The following PTPRM variants were observed in gnomAD, a reference collection of about 807,000 sequenced individuals.
The protein encoded by PTPRM is protein tyrosine phosphatase receptor type M.
Under a neutral mutation model 186.7 loss-of-function variants are expected in PTPRM, and 47 were observed. The observed-to-expected ratio is 0.25, with a 90% CI of 0.20 to 0.32. The LOEUF (loss-of-function observed/expected upper bound fraction) is 0.32, where lower values mean the gene tolerates loss of function less well. Among genes scored for constraint, PTPRM ranks in the 10% least tolerant of loss-of-function variants. The pLI is 1.00. For missense variants in PTPRM, 1,494 were observed against 1,865.0 expected (o/e 0.80, Z 3.66); for synonymous variants, 668 against 674.9 (o/e 0.99, Z 0.16).
intron 10 of PTPRM, among the ~76,000 whole-genome samples, chr18:8,088,413 C>A (rs2090541727): frequency 6.6e-6 from 1 of 152,096 alleles, no homozygotes; most frequent in Admixed American, 6.5e-5. Context: ...AAAAGTGTAC[C>A]AATTGTAAGT....
At chr18:7,684,549 C>T (rs1411423003) in intron 1 of PTPRM, among the ~76,000 whole-genome samples, 2 of 152,116 alleles carry the variant, frequency 1.3e-5, no homozygotes, top group African/African-American at 4.8e-5. Flanking sequence ...TTCTATGCCT[C>T]CATGAGTTTG....
At chr18:8,120,606 C>A (rs952603172) in intron 13 of PTPRM, among the ~76,000 whole-genome samples, 3 of 151,854 alleles carry the variant, frequency 2.0e-5, no homozygotes, top group Non-Finnish European at 4.4e-5. Context: ...AGCAGTCCTC[C>A]TGCCTCAGCC....
At chr18:8,072,972 G>T (rs1362996236) in intron 8 of PTPRM, among the ~76,000 whole-genome samples, 1 of 151,480 alleles carries the variant, frequency 6.6e-6, no homozygotes, top group Non-Finnish European at 1.5e-5. Flanking sequence ...TCCCCATTAG[G>T]GTTTCCTGTC....
chr18:8,343,353 G>A, intron 22 of PTPRM, 70 bp from the exon 23 acceptor site: 3 of 1,377,952 alleles, frequency 2.2e-6, no homozygotes, highest in South Asian at 1.2e-5. Context: ...AGATGTATTT[G>A]TAAGCCCCGG....
chr18:8,190,643 T>C (rs923344064), intron 14 of PTPRM, among the ~76,000 whole-genome samples: 6 of 152,222 alleles, frequency 3.9e-5, no homozygotes, highest in Admixed American at 3.9e-4. Flanking sequence ...TAAATCTATG[T>C]TCTGTTTATC....
chr18:8,320,627 G>T (rs1043358199), intron 22 of PTPRM, among the ~76,000 whole-genome samples: 2 of 152,182 alleles, frequency 1.3e-5, no homozygotes, highest in Non-Finnish European at 2.9e-5. Flanking sequence ...AAGCTTTGGG[G>T]TGGAAAAGCT....
At chr18:8,092,324 A>G (rs1282457122) in intron 11 of PTPRM, among the ~76,000 whole-genome samples, 1 of 152,198 alleles carries the variant, frequency 6.6e-6, no homozygotes, top group East Asian at 1.9e-4. Flanking sequence ...GTAAACTAGC[A>G]TGTAGGAGAG....
At chr18:7,755,643 T>C (rs1485100433) in intron 1 of PTPRM, among the ~76,000 whole-genome samples, 1 of 152,236 alleles carries the variant, frequency 6.6e-6, no homozygotes, top group Non-Finnish European at 1.5e-5. Flanking sequence ...CAATCTGCCC[T>C]CATTTCTTGG....
intron 19 of PTPRM, among the ~76,000 whole-genome samples, chr18:8,263,269 C>A (rs779071629): frequency 6.6e-6 from 1 of 151,986 alleles, no homozygotes. Context: ...CCACCACACC[C>A]GGCTAATTTT....
chr18:7,947,480 G>T (rs1459018139), intron 5 of PTPRM, among the ~76,000 whole-genome samples: 3 of 152,166 alleles, frequency 2.0e-5, no homozygotes, highest in Non-Finnish European at 4.4e-5. Flanking sequence ...GGGTAATACA[G>T]ATGAGTTTGA....
chr18:7,785,156 G>T (rs185570732), intron 2 of PTPRM, among the ~76,000 whole-genome samples: 1 of 152,168 alleles, frequency 6.6e-6, no homozygotes, highest in Non-Finnish European at 1.5e-5. Flanking sequence ...AGACATAGGC[G>T]ATGAGCTGGT....
At chr18:8,220,109 A>G (rs2094138002) in intron 14 of PTPRM, among the ~76,000 whole-genome samples, 1 of 152,146 alleles carries the variant, frequency 6.6e-6, no homozygotes. Flanking sequence ...CGCATGGTAC[A>G]ATCACTAGAT....
chr18:8,387,242 G>C lies in PTPRM; in HGVS notation c.4208+7G>C. 6.2e-7 allele frequency: 1 copy of C among 1,611,250 alleles called. No individual in the cohort carries two copies. The highest frequency in any genetic ancestry group is 8.5e-7 in the Non-Finnish European group (1 of 1,178,170). ...GCACGGTTGTGCACTGCTTGTAAGT[G>C]CTTGACAGAGCTCTTCATTTCAGAA... is the stretch of plus-strand genomic sequence containing the variant. On this transcript the variant is annotated splice_region_variant and intron_variant, in intron 31 of 32. Transcript: ENST00000580170.
rs115756434 is a variant in PTPRM at position 7,887,965 on chromosome 18, A to G, written c.197-141A>G. On this transcript the variant is annotated intron_variant, in intron 2 of 32. Transcript: ENST00000580170. ...GGAGGAGGAGGTGGTGATATATGAA[A>G]TAGGAATGGAAGAAATGGCAGTTTA... 5.9e-4 allele frequency: 555 copies of G among 945,316 alleles called. 1 individual carries two copies. In the African/African-American group the frequency reaches 8.0e-3, roughly 14 times the overall value. 58.6% of individuals were successfully genotyped at this position (945,316 alleles called of 1,614,324 possible). A position where few individuals can be genotyped will look rare whatever the true frequency, so the allele number is the denominator to read the frequency against.
At chr18:8,294,789 C>G (rs1265180966) in intron 19 of PTPRM, among the ~76,000 whole-genome samples, 1 of 152,128 alleles carries the variant, frequency 6.6e-6, no homozygotes, top group Non-Finnish European at 1.5e-5. Context: ...CCTCTTAACT[C>G]TTAGGTTTGT....
intron 7 of PTPRM, among the ~76,000 whole-genome samples, chr18:7,980,168 A>G: frequency 6.6e-6 from 1 of 152,144 alleles, no homozygotes; most frequent in Non-Finnish European, 1.5e-5. Context: ...CATTTTGGCC[A>G]GAAACCTGAA....
chr18:7,894,519 G>A (rs985893855), intron 3 of PTPRM, among the ~76,000 whole-genome samples: 8 of 152,044 alleles, frequency 5.3e-5, no homozygotes, highest in Non-Finnish European at 1.2e-4. Flanking sequence ...CTGGCAGGCA[G>A]AGCTTGCAGT....
chr18:8,393,914 G>A (rs2095831735), intron 31 of PTPRM, among the ~76,000 whole-genome samples: 1 of 151,976 alleles, frequency 6.6e-6, no homozygotes. Flanking sequence ...TCAGCCTCCC[G>A]AGTAGCTGGG....
chr18:7,955,949 GTTTC>G (rs1210662393), intron 7 of PTPRM, among the ~76,000 whole-genome samples: 1 of 152,152 alleles, frequency 6.6e-6, no homozygotes, highest in African/African-American at 2.4e-5. Flanking sequence ...GCAGTCTTTA[GTTTC>G]TTAGATTATA....
Sources: allele counts gnomAD v4.1 joint callset (sites outside exome capture counted in the v4.1 genomes callset), GRCh38; gene constraint gnomAD v4.1.1; transcripts MANE v1.5; gene names NCBI Gene and HGNC (gene_info 2026-07-23, HGNC 2026-07-21).